PODXL2: variants seen among roughly 807,000 people sequenced by gnomAD.
PODXL2 encodes podocalyxin-like protein 2.
A neutral mutation model predicts 53.4 loss-of-function variants in PODXL2; 17 were observed. The observed-to-expected ratio is 0.32, with a 90% CI of 0.22 to 0.48. The LOEUF is 0.48. Ranked by LOEUF, PODXL2 falls within the 20% of genes least tolerant of loss-of-function variation. PODXL2 has a pLI of 0.99. For synonymous variants in PODXL2, 311 were observed against 306.7 expected, an observed-to-expected ratio of 1.01 and a Z score of -0.15; for missense variants, 673 against 760.0, an observed-to-expected ratio of 0.89 and a Z score of 1.35.
rs752490596 is a variant in PODXL2, at chr3:127,668,556, A to G, written c.1322A>G (p.Glu441Gly). ...AWHISLSKPS[E>G]KEQHLLMTLV... ...CACATCTCTCTGAGCAAGCCCAGCG[A>G]GAAGGAGCAGCACCTTCTCATGACA... The change falls in exon 5 of 8, where the codon GAG becomes GGG. Residue 441 changes from glutamate to glycine, a missense_variant. Glu to Gly is a moderately conservative substitution (Grantham distance 98). Coordinates refer to ENST00000342480, the MANE Select transcript of PODXL2 (RefSeq NM_015720.4). 2 of 1,575,288 alleles carry G rather than the reference A, an allele frequency of 1.3e-6. No individual in the cohort carries two copies.
At chr3:127,656,196 G>T (rs2074722169) in intron 2 of PODXL2, among the ~76,000 whole-genome samples, 1 of 152,190 alleles carries the variant, frequency 6.6e-6, no homozygotes, top group Admixed American at 6.5e-5. Context: ...TGCCATTGGT[G>T]TATAAGACAC....
intron 2 of PODXL2, among the ~76,000 whole-genome samples, chr3:127,645,837 C>T (rs574253854): frequency 7.2e-5 from 11 of 152,288 alleles, no homozygotes; most frequent in Admixed American, 5.2e-4. Context: ...TCTTGTGCCC[C>T]GGAGCCACAG....
At chr3:127,644,415 T>C (rs1293902702) in intron 2 of PODXL2, among the ~76,000 whole-genome samples, 3 of 152,190 alleles carry the variant, frequency 2.0e-5, no homozygotes, top group African/African-American at 7.2e-5. Context: ...CAAGGAATGA[T>C]TTAAACAAAC....
intron 2 of PODXL2, among the ~76,000 whole-genome samples, chr3:127,657,735 A>G (rs1359503207): frequency 1.3e-5 from 2 of 152,178 alleles, no homozygotes; most frequent in Non-Finnish European, 2.9e-5. Context: ...TCTGACTCCT[A>G]TTCTGTTACC....
Position 127,671,324 on chromosome 3 carries a change from C to T in PODXL2, c.1426-110C>T, listed in dbSNP as rs913243882. 7.3e-6 allele frequency: 7 copies of T among 953,882 alleles called. No homozygotes were observed. The African/African-American group carries it at 1.1e-4, about 16-fold the overall frequency. 59.1% of individuals were successfully genotyped at this position (953,882 alleles called of 1,614,324 possible). ...GAACTTCAGGAGCCGGGAGTGCCAG[C>T]ACCTTCTAAGCCTGCTCCCCCATCC... is the stretch of plus-strand genomic sequence containing the variant. On this transcript the variant is annotated intron_variant, in intron 6 of 7. Transcript: ENST00000342480.
chr3:127,650,555 T>C (rs532094912), intron 2 of PODXL2, among the ~76,000 whole-genome samples: 3 of 152,216 alleles, frequency 2.0e-5, no homozygotes, highest in Non-Finnish European at 4.4e-5. Context: ...AGTCTCAAGT[T>C]AGTGAATCTT....
intron 1 of PODXL2, among the ~76,000 whole-genome samples, chr3:127,637,421 A>G (rs1475303071): frequency 1.3e-5 from 2 of 152,156 alleles, no homozygotes; most frequent in Admixed American, 6.5e-5. Flanking sequence ...TTTTTTATAT[A>G]GGATAATAAC....
chr3:127,635,443 G>T (rs1441562165), intron 1 of PODXL2, among the ~76,000 whole-genome samples: 1 of 152,226 alleles, frequency 6.6e-6, no homozygotes, highest in Non-Finnish European at 1.5e-5. Flanking sequence ...CTTTTTGGTT[G>T]AAGAATGAAT....
rs988493771 is a variant in PODXL2 at position 127,662,302 on chromosome 3, C to T, written c.1197C>T (p.Asn399=). ...ACATCATTCTGAACATGACAGAGAA[C>T]ATAGACTGTGTGAGTGCCCAGCCAG... The part of the protein sequence containing the change: ...KNYIILNMTE[N]IDCEVFRQHR... Residue 399 remains asparagine (N), a synonymous_variant, in exon 4 of 8, where the codon AAC becomes AAT. Coordinates refer to ENST00000342480, the MANE Select transcript of PODXL2 (RefSeq NM_015720.4). The T allele has an allele frequency of 2.5e-6, 4 of 1,613,472 alleles. No individual in the cohort carries two copies. Among genetic ancestry groups the T allele is most frequent in the Non-Finnish European group, 2.5e-6 (3 of 1,179,680 alleles).
intron 1 of PODXL2, 27 bp from the exon 2 acceptor site, chr3:127,639,218 G>A (rs763691693): frequency 6.4e-6 from 10 of 1,558,490 alleles, no homozygotes; most frequent in Admixed American, 2.0e-5. Flanking sequence ...AGCCTCCCCT[G>A]ACTGTCTGGC....
At chr3:127,649,868 C>T (rs1290220001) in intron 2 of PODXL2, among the ~76,000 whole-genome samples, 1 of 152,214 alleles carries the variant, frequency 6.6e-6, no homozygotes, top group African/African-American at 2.4e-5. Context: ...ACGCAGGAGA[C>T]AGAGGCTGCA....
At chr3:127,667,030 C>T (rs1214652645) in intron 4 of PODXL2, among the ~76,000 whole-genome samples, 1 of 152,258 alleles carries the variant, frequency 6.6e-6, no homozygotes, top group Non-Finnish European at 1.5e-5. Flanking sequence ...CTTCTCCCCC[C>T]ATACTCAATC....
At chr3:127,661,438 GTT>G (rs753999242) in intron 3 of PODXL2, among the ~76,000 whole-genome samples, 2 of 145,190 alleles carry the variant, frequency 1.4e-5, no homozygotes, top group Admixed American at 6.9e-5. Context: ...GACATCTTTT[GTT>G]TTTTTTTTTT....
At chr3:127,664,401 T>C (rs552339029) in intron 4 of PODXL2, among the ~76,000 whole-genome samples, 26 of 152,294 alleles carry the variant, frequency 1.7e-4, no homozygotes, top group African/African-American at 6.0e-4. Context: ...TCCATGCAGC[T>C]GTCCATGGAC....
chr3:127,631,814 A>C (rs1454214872), intron 1 of PODXL2, among the ~76,000 whole-genome samples: 1 of 152,234 alleles, frequency 6.6e-6, no homozygotes, highest in East Asian at 1.9e-4. Flanking sequence ...AGTTCTATGT[A>C]AAGACAAAAC....
chr3:127,655,198 G>C (rs927344878), intron 2 of PODXL2, among the ~76,000 whole-genome samples: 1 of 151,940 alleles, frequency 6.6e-6, no homozygotes, highest in Non-Finnish European at 1.5e-5. Context: ...CCCCCGCTTG[G>C]CCTCCCAAAG....
chr3:127,639,589 G>T, intron 2 of PODXL2, 66 bp downstream of exon 2: 2 of 1,426,964 alleles, frequency 1.4e-6, no homozygotes, highest in South Asian at 2.7e-5. Flanking sequence ...AACACCAGGT[G>T]ACCATTTCCT....
chr3:127,654,251 G>T (rs532027536), intron 2 of PODXL2, among the ~76,000 whole-genome samples: 4 of 152,252 alleles, frequency 2.6e-5, no homozygotes, highest in Admixed American at 1.3e-4. Flanking sequence ...CTCAATTTCA[G>T]TTTGTCTCAA....
intron 1 of PODXL2, among the ~76,000 whole-genome samples, chr3:127,635,757 A>G (rs1350911237): frequency 6.6e-6 from 1 of 152,220 alleles, no homozygotes; most frequent in African/African-American, 2.4e-5. Flanking sequence ...ATGCTGGTTC[A>G]AGTTTGAAAG....
Sources: allele counts gnomAD v4.1 joint callset (sites outside exome capture counted in the v4.1 genomes callset), GRCh38; gene constraint gnomAD v4.1.1; transcripts MANE v1.5; gene names NCBI Gene and HGNC (gene_info 2026-07-23, HGNC 2026-07-21).